IFT43: variants seen among roughly 807,000 people sequenced by gnomAD.
IFT43 encodes intraflagellar transport protein 43 homolog.
Under a neutral mutation model 32.3 loss-of-function variants are expected in IFT43, and 33 were observed. The ratio of observed to expected loss-of-function variants is 1.02; its 90% confidence interval spans 0.77 to 1.37. IFT43 has a LOEUF of 1.37. Ranked by LOEUF, IFT43 falls within the 40% of genes most tolerant of loss-of-function variation. The probability of loss-of-function intolerance (pLI) is 0.00; values close to 1 mark genes in which losing one functional copy is unlikely to be tolerated. For synonymous variants in IFT43, 93 were observed against 98.2 expected (o/e 0.95, Z 0.31); for missense variants, 274 against 265.9 (o/e 1.03, Z -0.21).
intron 3 of IFT43, among the ~76,000 whole-genome samples, chr14:76,036,707 G>C (rs1386436739): frequency 6.6e-6 from 1 of 151,230 alleles, no homozygotes; most frequent in Non-Finnish European, 1.5e-5. Context: ...GCCTGGCCTA[G>C]TTGTTATATT....
intron 2 of IFT43, among the ~76,000 whole-genome samples, chr14:76,016,282 C>T (rs913464317): frequency 3.3e-5 from 5 of 152,176 alleles, no homozygotes; most frequent in South Asian, 2.1e-4. Flanking sequence ...TATGGAAATC[C>T]GGTTTTCCCA....
chr14:76,067,944 C>T (rs1425503532), intron 5 of IFT43, among the ~76,000 whole-genome samples: 1 of 152,164 alleles, frequency 6.6e-6, no homozygotes, highest in Non-Finnish European at 1.5e-5. Flanking sequence ...TGGATTAGAC[C>T]TTTAGGAGCT....
At chr14:76,032,964 C>A (rs2036534599) in intron 3 of IFT43, among the ~76,000 whole-genome samples, 1 of 152,090 alleles carries the variant, frequency 6.6e-6, no homozygotes, top group Admixed American at 6.6e-5. Flanking sequence ...GCAGGAGGGA[C>A]CTGATTTAGG....
chr14:76,058,515 C>A, intron 3 of IFT43, 127 bp from the exon 4 acceptor site: 3 of 1,068,768 alleles, frequency 2.8e-6, no homozygotes, highest in South Asian at 1.4e-5. Context: ...CTAAAGAGGA[C>A]TGCAGACAAA....
At chr14:76,063,982 C>G (rs546327839) in intron 5 of IFT43, among the ~76,000 whole-genome samples, 5 of 152,258 alleles carry the variant, frequency 3.3e-5, no homozygotes, top group Non-Finnish European at 7.4e-5. Flanking sequence ...GGCAGGAGTC[C>G]TGTGAAGAAG....
intron 3 of IFT43, among the ~76,000 whole-genome samples, chr14:76,045,708 C>T (rs1210431798): frequency 6.6e-6 from 1 of 152,160 alleles, no homozygotes; most frequent in Non-Finnish European, 1.5e-5. Flanking sequence ...CCTCTGTTTT[C>T]CAGGCAGAAG....
At chr14:76,004,150 A>G (rs1482467245) in intron 2 of IFT43, among the ~76,000 whole-genome samples, 3 of 152,126 alleles carry the variant, frequency 2.0e-5, no homozygotes, top group South Asian at 2.1e-4. Context: ...ATTTCTTCCA[A>G]TAGATCTAAG....
At chr14:75,993,214 A>G (rs1042936701) in intron 2 of IFT43, among the ~76,000 whole-genome samples, 2 of 152,210 alleles carry the variant, frequency 1.3e-5, no homozygotes, top group African/African-American at 4.8e-5. Context: ...AATTTGGCCT[A>G]TAGTCATGTT....
intron 2 of IFT43, among the ~76,000 whole-genome samples, chr14:76,002,364 TA>T (rs1362357182): frequency 2.1e-5 from 1 of 47,314 alleles, no homozygotes. Flanking sequence ...GGTAAAAAGG[TA>T]AGGGGGGGGG....
Position 76,083,620 on chromosome 14 carries a change from TA to T in IFT43, c.*46del. The T allele has an allele frequency of 3.1e-6, 5 of 1,602,290 alleles. No homozygotes were observed. The highest frequency in any genetic ancestry group is 4.3e-6 in the Non-Finnish European group (5 of 1,171,704). On this transcript the variant is annotated 3_prime_UTR_variant, in exon 9 of 9. Transcript: ENST00000314067. ...TAGACATGAAGAAATGCAATGAGCT[TA>T]AAGCTAAAGAAGCTTGTAAGCAGCT...
chr14:76,018,923 A>C (rs1435192643), intron 2 of IFT43, among the ~76,000 whole-genome samples: 2 of 152,024 alleles, frequency 1.3e-5, no homozygotes, highest in African/African-American at 4.8e-5. Flanking sequence ...TAAGTGAAGT[A>C]AGTTTCTTAT....
intron 3 of IFT43, among the ~76,000 whole-genome samples, chr14:76,037,693 T>TTG (rs2036627327): frequency 6.6e-6 from 1 of 150,514 alleles, no homozygotes; most frequent in Non-Finnish European, 1.5e-5. Context: ...CATTCTCTGT[T>TTG]TTTTTTTTTT....
At chr14:76,035,060 T>C (rs185546694) in intron 3 of IFT43, among the ~76,000 whole-genome samples, 1 of 152,300 alleles carries the variant, frequency 6.6e-6, no homozygotes, top group Admixed American at 6.5e-5. Flanking sequence ...AGGCAAGTAA[T>C]GGCCCCTCAG....
At chr14:76,053,639 G>A (rs868675939) in intron 3 of IFT43, among the ~76,000 whole-genome samples, 7 of 152,164 alleles carry the variant, frequency 4.6e-5, no homozygotes, top group Non-Finnish European at 5.9e-5. Context: ...TCCACGAGGC[G>A]GAGGTGAGAG....
intron 3 of IFT43, among the ~76,000 whole-genome samples, chr14:76,027,337 C>T (rs527924849): frequency 2.2e-5 from 1 of 45,808 alleles, no homozygotes; most frequent in Admixed American, 1.9e-4. Flanking sequence ...CCCAACACCC[C>T]CCACACACAC....
chr14:76,073,398 A>G (rs1438418926), intron 5 of IFT43, among the ~76,000 whole-genome samples: 1 of 152,232 alleles, frequency 6.6e-6, no homozygotes, highest in Non-Finnish European at 1.5e-5. Context: ...CACATCACAC[A>G]TGGAGATAAG....
At chr14:76,030,365 G>T (rs2036487568) in intron 3 of IFT43, among the ~76,000 whole-genome samples, 1 of 152,108 alleles carries the variant, frequency 6.6e-6, no homozygotes, top group East Asian at 1.9e-4. Context: ...TTTCAACGCA[G>T]CAAGATATTC....
intron 3 of IFT43, among the ~76,000 whole-genome samples, chr14:76,057,441 G>C (rs767180623): frequency 6.6e-6 from 1 of 152,022 alleles, no homozygotes; most frequent in African/African-American, 2.4e-5. Context: ...ATGTTGGACG[G>C]GCTGGTCTCA....
chr14:76,004,800 G>A (rs1851072427), intron 2 of IFT43, among the ~76,000 whole-genome samples: 1 of 152,062 alleles, frequency 6.6e-6, no homozygotes, highest in South Asian at 2.1e-4. Flanking sequence ...TAAGTTCACT[G>A]ATGATTTTTA....
Sources: allele counts gnomAD v4.1 joint callset (sites outside exome capture counted in the v4.1 genomes callset), GRCh38; gene constraint gnomAD v4.1.1; transcripts MANE v1.5; gene names NCBI Gene and HGNC (gene_info 2026-07-23, HGNC 2026-07-21).